Variants in SRPRB observed in about 807,000 individuals in gnomAD.
SRPRB encodes SRP receptor subunit beta.
Under a neutral mutation model 31.9 loss-of-function variants are expected in SRPRB, and 20 were observed. The observed-to-expected ratio is 0.63, with a 90% CI of 0.44 to 0.91. SRPRB has a LOEUF of 0.91. SRPRB is among the 40% of genes least tolerant of loss of function. The pLI is 0.00. For synonymous variants in SRPRB, 146 were observed against 132.8 expected, an observed-to-expected ratio of 1.10 and a Z score of -0.68; for missense variants, 321 against 324.9, an observed-to-expected ratio of 0.99 and a Z score of 0.09.
chr3:133,814,383 G>A (rs1187216183), intron 4 of SRPRB, among the ~76,000 whole-genome samples: 2 of 151,834 alleles, frequency 1.3e-5, no homozygotes, highest in Non-Finnish European at 2.9e-5. Context: ...CGCCCGCCTC[G>A]GCTTCCCAAA....
upstream of SRPRB, among the ~76,000 whole-genome samples, chr3:133,804,032 C>A (rs1358535000): frequency 7.6e-6 from 1 of 131,924 alleles, no homozygotes; most frequent in Non-Finnish European, 1.5e-5. Context: ...GGAGGCGGAG[C>A]TTGCAGTGAG....
At chr3:133,826,688 T>C (rs1011059755), downstream of SRPRB, 2 of 152,632 alleles carry the variant, frequency 1.3e-5, no homozygotes, top group African/African-American at 2.4e-5. Flanking sequence ...GGTGGAGATA[T>C]TCCCGTGGGC....
At chr3:133,823,888 C>A (rs755470604), downstream of SRPRB, among the ~76,000 whole-genome samples, 1 of 152,152 alleles carries the variant, frequency 6.6e-6, no homozygotes, top group Non-Finnish European at 1.5e-5. Context: ...ACCCTCTCCC[C>A]CCTTCCTAAT....
At chr3:133,792,132 T>C (rs1934854486) in intron 1 of SRPRB, 1 of 152,200 alleles carries the variant, frequency 6.6e-6, no homozygotes, top group South Asian at 2.1e-4. Context: ...TTTGGAGCAT[T>C]AGATTCTAGA....
At chr3:133,797,976 G>T (rs1935003406) in intron 1 of SRPRB, among the ~76,000 whole-genome samples, 1 of 152,142 alleles carries the variant, frequency 6.6e-6, no homozygotes, top group Non-Finnish European at 1.5e-5. Context: ...TAGTATCTCG[G>T]TATCCAGAAG....
chr3:133,801,642 C>T (rs1313502772), upstream of SRPRB, among the ~76,000 whole-genome samples: 1 of 152,162 alleles, frequency 6.6e-6, no homozygotes, highest in Non-Finnish European at 1.5e-5. Context: ...TTCCCTGCAT[C>T]TTTGGTCCCC....
At chr3:133,819,447 A>G (rs1244023522) in intron 6 of SRPRB, 106 bp from the exon 7 acceptor site, 25 of 1,033,214 alleles carry the variant, frequency 2.4e-5, no homozygotes, top group Non-Finnish European at 3.3e-5. Flanking sequence ...ATAATTGGCA[A>G]TTCTATAGTT....
intron 1 of SRPRB, among the ~76,000 whole-genome samples, chr3:133,797,063 T>A (rs1187132076): frequency 5.3e-5 from 8 of 152,222 alleles, no homozygotes; most frequent in Admixed American, 4.6e-4. Flanking sequence ...AATTTTGAAT[T>A]GGTAAATATT....
intron 1 of SRPRB, among the ~76,000 whole-genome samples, chr3:133,798,654 T>C (rs1935016542): frequency 6.6e-6 from 1 of 152,182 alleles, no homozygotes; most frequent in Non-Finnish European, 1.5e-5. Context: ...CTCATATAGC[T>C]TTAGGATTTT....
At chr3:133,812,826 C>CT (rs1252768899) in intron 4 of SRPRB, among the ~76,000 whole-genome samples, 1 of 152,140 alleles carries the variant, frequency 6.6e-6, no homozygotes, top group Non-Finnish European at 1.5e-5. Flanking sequence ...CCCATCCATA[C>CT]TTTTTTTTCC....
chr3:133,802,711 G>A (rs1935080170), upstream of SRPRB, among the ~76,000 whole-genome samples: 1 of 152,086 alleles, frequency 6.6e-6, no homozygotes, highest in African/African-American at 2.4e-5. Flanking sequence ...TGTTCTCCAT[G>A]ATTTTAATGA....
In SRPRB at chr3:133,815,050, G is replaced by GT. The variant is rs541490669; in HGVS notation, c.411-539dup. ...GACTTCCCCAGGGAATGTGTTTCAC[G>GT]TATTTGTGGCTTGAACATACTGTAG... On this transcript the variant is annotated intron_variant, in intron 4 of 6. Coordinates refer to ENST00000678299, the MANE Select transcript of SRPRB (RefSeq NM_001379313.1). 6.8e-3 allele frequency among the ~76,000 whole-genome samples: 1,030 copies of GT among 152,276 alleles called. 9 individuals carry two copies. Among genetic ancestry groups the GT allele is most frequent in the Non-Finnish European group, 0.01 (713 of 68,018 alleles).
downstream of SRPRB, chr3:133,826,900 G>GTGTT (rs1161591434): frequency 6.6e-6 from 1 of 152,670 alleles, no homozygotes; most frequent in Non-Finnish European, 1.5e-5. Flanking sequence ...CCGTGAGGAT[G>GTGTT]TGTTTGTGGA....
In SRPRB at chr3:133,805,998, G is replaced by T; in HGVS notation, c.150G>T (p.Thr50=). The part of the protein sequence containing the change: ...VVVAVLAVLL[T]LVFWKLIRSR... ...TGGCGGTTCTTGCGGTGCTGCTGAC[G>T]CTAGGTAAAAGGCGGCCGGTGGTCA... Residue 50 remains threonine (T), a synonymous_variant, in exon 1 of 7, where the codon ACG becomes ACT. Coordinates refer to ENST00000678299, the MANE Select transcript of SRPRB (RefSeq NM_001379313.1). The T allele has an allele frequency of 6.2e-7, 1 of 1,612,920 alleles. No homozygotes were observed. Among genetic ancestry groups the T allele is most frequent in the African/African-American group, 1.3e-5 (1 of 74,994 alleles).
At chr3:133,827,814 A>G, downstream of SRPRB, 1 of 384,832 alleles carries the variant, frequency 2.6e-6, no homozygotes, top group Non-Finnish European at 5.2e-6. Flanking sequence ...CCTGACATCC[A>G]GGAGGAAGGC....
chr3:133,791,173 G>A (rs1356165149), intron 1 of SRPRB: 1 of 152,054 alleles, frequency 6.6e-6, no homozygotes, highest in African/African-American at 2.4e-5. Flanking sequence ...GGCTACCTTT[G>A]TCAGGCTGGC....
intron 1 of SRPRB, chr3:133,794,952 T>A (rs1361291797): frequency 6.6e-6 from 1 of 152,272 alleles, no homozygotes; most frequent in African/African-American, 2.4e-5. Flanking sequence ...TAGGTCCTTT[T>A]TCCATGATTT....
At chr3:133,801,614 G>A (rs1019518437), upstream of SRPRB, among the ~76,000 whole-genome samples, 4 of 152,146 alleles carry the variant, frequency 2.6e-5, no homozygotes, top group African/African-American at 7.2e-5. Flanking sequence ...GGAACTCTCC[G>A]TGTCTGGCTC....
chr3:133,806,898 T>C (rs1437880748), intron 2 of SRPRB, among the ~76,000 whole-genome samples, 195 bp downstream of exon 2: 1 of 152,208 alleles, frequency 6.6e-6, no homozygotes, highest in East Asian at 1.9e-4. Flanking sequence ...TTCTCCTTTT[T>C]TTTTTCTGTT....
Sources: gnomAD v4.1 joint callset for allele counts (sites outside exome capture counted in the v4.1 genomes callset) on GRCh38, gnomAD v4.1.1 for gene constraint, MANE v1.5 for transcripts, NCBI Gene and HGNC (gene_info 2026-07-23, HGNC 2026-07-21) for gene names.